ZNF141: variants seen among roughly 807,000 people sequenced by gnomAD.
ZNF141 encodes the protein zinc finger protein 141 (clone pHZ-44).
Under a neutral mutation model 11.3 loss-of-function variants are expected in ZNF141, and 7 were observed. That is an observed-to-expected ratio of 0.62 (90% confidence interval 0.35 to 1.16). ZNF141 has a LOEUF of 1.16. Among genes scored for constraint, ZNF141 ranks in the 50% most tolerant of loss-of-function variants. The pLI is 0.02. For synonymous variants in ZNF141, 183 were observed against 190.7 expected, an observed-to-expected ratio of 0.96 and a Z score of 0.33; for missense variants, 535 against 554.0, an observed-to-expected ratio of 0.97 and a Z score of 0.34.
At chr4:351,918 G>T (rs1382960905) in intron 3 of ZNF141, among the ~76,000 whole-genome samples, 2 of 152,160 alleles carry the variant, frequency 1.3e-5, no homozygotes, top group Non-Finnish European at 2.9e-5. Flanking sequence ...AATTGTTATT[G>T]TCATGGGGCT....
rs1247106157 is a variant in ZNF141 at position 373,203 on chromosome 4, A to T, written c.766A>T (p.Lys256Ter). 6.2e-7 allele frequency: 1 copy of T among 1,613,962 alleles called. No homozygotes were observed. Among genetic ancestry groups the T allele is most frequent in the Non-Finnish European group, 8.5e-7 (1 of 1,180,002 alleles). The change falls in exon 4 of 4, where the codon AAA (lysine) becomes TAA (stop). Residue 256 changes from lysine (K) to a stop codon, truncating the protein, a stop_gained. Coordinates refer to ENST00000240499, the MANE Select transcript of ZNF141 (RefSeq NM_003441.4). LOFTEE classifies it low-confidence loss of function (END_TRUNC). The part of the protein sequence containing the change: ...KIIHTGEKPY[K>*]CEECGKAFNR... ...AATTCATACTGGAGAAAAACCCTAT[A>T]AATGTGAAGAATGTGGCAAAGCCTT...
At chr4:347,582 G>A (rs1010669120) in intron 3 of ZNF141, among the ~76,000 whole-genome samples, 2 of 150,218 alleles carry the variant, frequency 1.3e-5, no homozygotes, top group Non-Finnish European at 3.0e-5. Context: ...CTCATGATCC[G>A]CCTGCCTCGG....
Position 381,191 on chromosome 4 carries a change from T to C in ZNF141, c.*7329T>C, listed in dbSNP as rs1712599297. 6.6e-6 allele frequency among the ~76,000 whole-genome samples: 1 copy of C among 152,150 alleles called. No individual in the cohort carries two copies. On this transcript the variant is annotated 3_prime_UTR_variant, in exon 4 of 4. Coordinates refer to ENST00000240499, the MANE Select transcript of ZNF141 (RefSeq NM_003441.4). The stretch of plus-strand genomic sequence containing the variant: ...TGAGTTAAATATTTGACTCTATTAG[T>C]TTAGTTTCCTTTGTGCCTGTTTCTC...
At chr4:358,093 C>T in intron 3 of ZNF141, 1 of 306,210 alleles carries the variant, frequency 3.3e-6, no homozygotes, top group Non-Finnish European at 6.2e-6. Context: ...TCCTGTAGAA[C>T]TGAGTCTTCT....
chr4:375,585 TA>T lies in ZNF141; in HGVS notation c.*1730del, dbSNP rs1237140484. Among the ~76,000 whole-genome samples, 1 of 152,046 alleles carries T rather than the reference TA, an allele frequency of 6.6e-6. No individual in the cohort carries two copies. Among genetic ancestry groups the T allele is most frequent in the Non-Finnish European group, 1.5e-5 (1 of 67,914 alleles). On this transcript the variant is annotated 3_prime_UTR_variant, in exon 4 of 4. Coordinates refer to ENST00000240499, the MANE Select transcript of ZNF141 (RefSeq NM_003441.4). Reference sequence around the variant, plus strand: ...TGCAGTAAATCAGAGTATTAAGTATTAAAAAAATCCAAAGTTGAACCTATTA... The same window carrying T: ...TGCAGTAAATCAGAGTATTAAGTATTAAAAAATCCAAAGTTGAACCTATTA...
intron 3 of ZNF141, among the ~76,000 whole-genome samples, chr4:347,345 T>G (rs1721381690): frequency 6.8e-6 from 1 of 147,580 alleles, no homozygotes; most frequent in South Asian, 2.2e-4. Flanking sequence ...CCAAGTTTTT[T>G]TTTTTTTTTT....
chr4:372,621 GA>G (rs781986316), intron 3 of ZNF141, 42 bp from the exon 4 acceptor site: 1 of 1,398,252 alleles, frequency 7.2e-7, no homozygotes, highest in Non-Finnish European at 9.6e-7. Flanking sequence ...ATATTTATAT[GA>G]ATCTACTAAG....
At chr4:349,648 T>C (rs2108691787) in intron 3 of ZNF141, among the ~76,000 whole-genome samples, 1 of 152,340 alleles carries the variant, frequency 6.6e-6, no homozygotes, top group South Asian at 2.1e-4. Flanking sequence ...AGTCCCAGGC[T>C]GATGAGATTA....
At chr4:370,541 C>T (rs1317095782) in intron 3 of ZNF141, among the ~76,000 whole-genome samples, 10 of 152,096 alleles carry the variant, frequency 6.6e-5, no homozygotes, top group Non-Finnish European at 8.8e-5. Flanking sequence ...TTAACTATAT[C>T]GCAACTTTCT....
chr4:365,536 A>G (rs1711700143), intron 3 of ZNF141, among the ~76,000 whole-genome samples: 1 of 152,196 alleles, frequency 6.6e-6, no homozygotes, highest in African/African-American at 2.4e-5. Context: ...TAAATATTCT[A>G]TAAGTTTATC....
intron 3 of ZNF141, among the ~76,000 whole-genome samples, chr4:359,271 G>C (rs532670426): frequency 3.9e-4 from 60 of 152,084 alleles, no homozygotes; most frequent in African/African-American, 1.3e-3. Context: ...CTTTCTTTAA[G>C]ATCTTGATCA....
Position 372,946 on chromosome 4 carries a change from A to G in ZNF141, c.509A>G (p.Glu170Gly). ...SNKRKTRHTG[E>G]KHFKECGKSF... ...AAACGTAAGACAAGACATACTGGAGAGAAACACTTTAAAGAATGTGGCAAA... is the reference window on the plus strand; with the variant it reads ...AAACGTAAGACAAGACATACTGGAGGGAAACACTTTAAAGAATGTGGCAAA... Residue 170 changes from glutamate to glycine, a missense_variant, in exon 4 of 4, where the codon GAG becomes GGG. Physicochemically the swap from Glu to Gly is moderately conservative, Grantham distance 98. Coordinates refer to ENST00000240499, the MANE Select transcript of ZNF141 (RefSeq NM_003441.4). 1 of 1,614,148 alleles carries G rather than the reference A, an allele frequency of 6.2e-7. No homozygotes were observed. The highest frequency in any genetic ancestry group is 8.5e-7 in the Non-Finnish European group (1 of 1,179,988).
intron 3 of ZNF141, among the ~76,000 whole-genome samples, chr4:367,270 C>T (rs782229061): frequency 4.6e-4 from 70 of 152,170 alleles, no homozygotes; most frequent in Non-Finnish European, 8.4e-4. Flanking sequence ...CAATATGAGT[C>T]TATCTGTATG....
intron 3 of ZNF141, among the ~76,000 whole-genome samples, chr4:366,649 A>G (rs1553852951): frequency 4.0e-5 from 6 of 151,182 alleles, no homozygotes; most frequent in African/African-American, 1.5e-4. Context: ...CACCTTTTCA[A>G]TTCGGTTTGC....
chr4:367,079 A>G (rs782689557), intron 3 of ZNF141, among the ~76,000 whole-genome samples: 32 of 152,246 alleles, frequency 2.1e-4, no homozygotes, highest in Non-Finnish European at 4.0e-4. Context: ...AAGACCCTAT[A>G]TGACAGATTA....
At chr4:338,477 G>C (rs1468057276) in intron 1 of ZNF141, 1 of 161,740 alleles carries the variant, frequency 6.2e-6, no homozygotes, top group African/African-American at 2.4e-5. Flanking sequence ...GGTGTGTGAG[G>C]AAGCGAAGCA....
At position 340,742 on chromosome 4, in the gene ZNF141, GT is replaced by G. The variant is rs534752951; in HGVS notation, c.3+2759del. Among the ~76,000 whole-genome samples, 156 of 152,306 alleles carry G rather than the reference GT, an allele frequency of 1.0e-3. 1 individual carries two copies. The highest frequency in any genetic ancestry group is 6.8e-3 in the Middle Eastern group (2 of 294). On this transcript the variant is annotated intron_variant, in intron 1 of 3. Coordinates refer to ENST00000240499, the MANE Select transcript of ZNF141 (RefSeq NM_003441.4). ...TTTGAACTGTTTGTCTTTTGAAGTT[GT>G]TTGCTATTGCCACAAGTGGATATAA...
At chr4:338,682 A>C (rs554532821) in intron 1 of ZNF141, 8 of 153,322 alleles carry the variant, frequency 5.2e-5, no homozygotes, top group Admixed American at 4.6e-4. Flanking sequence ...ACAGGTGTTC[A>C]GAAATGAAGA....
At chr4:357,689 CTTTCTTT>C (rs1263352808) in intron 3 of ZNF141, among the ~76,000 whole-genome samples, 36 of 149,156 alleles carry the variant, frequency 2.4e-4, no homozygotes, top group Middle Eastern at 3.5e-3. Context: ...TTCAGTCACT[CTTTCTTT>C]TTTCTTTTTT....
Sources: gnomAD v4.1 joint callset for allele counts (sites outside exome capture counted in the v4.1 genomes callset) on GRCh38, gnomAD v4.1.1 for gene constraint, MANE v1.5 for transcripts, NCBI Gene and HGNC (gene_info 2026-07-23, HGNC 2026-07-21) for gene names.